CARS2: variants seen among roughly 807,000 people sequenced by gnomAD.
CARS2 encodes the protein probable cysteine--tRNA ligase, mitochondrial.
Under a neutral mutation model 68.8 loss-of-function variants are expected in CARS2, and 52 were observed. The observed-to-expected ratio is 0.76, with a 90% CI of 0.61 to 0.95. The LOEUF is 0.95. Among genes scored for constraint, CARS2 ranks in the 40% least tolerant of loss-of-function variants. CARS2 has a pLI of 0.00. For missense variants in CARS2, 780 were observed against 754.2 expected (o/e 1.03, Z -0.40); for synonymous variants, 314 against 303.6 (o/e 1.03, Z -0.36).
intron 1 of CARS2, chr13:110,712,645 G>C (rs1203244175): frequency 5.1e-6 from 3 of 589,092 alleles, no homozygotes; most frequent in East Asian, 6.6e-5. Flanking sequence ...GCGACGCGGG[G>C]GAGGGCGGTC....
chr13:110,684,550 T>A (rs1316144315), intron 5 of CARS2, among the ~76,000 whole-genome samples: 1 of 150,256 alleles, frequency 6.7e-6, no homozygotes, highest in Non-Finnish European at 1.5e-5. Flanking sequence ...CCCGGCTTTG[T>A]TTGCCCAAGC....
rs374089139 is a variant in CARS2, at chr13:110,701,549, A to G, written c.282T>C (p.Tyr94=). 10 of 1,455,582 alleles carry G rather than the reference A, an allele frequency of 6.9e-6. No individual in the cohort carries two copies. The highest frequency in any genetic ancestry group is 1.7e-5 in the Admixed American group (1 of 59,618). 90.2% of individuals were successfully genotyped at this position (1,455,582 alleles called of 1,614,324 possible). The change falls in exon 3 of 15, where the codon TAT becomes TAC. Residue 94 remains tyrosine (Y), a synonymous_variant. Coordinates refer to ENST00000257347, the MANE Select transcript of CARS2 (RefSeq NM_024537.4). ...TCCTTCGAATGATATCAAATCTAACATATGAGCTGAAAGAAAAAAAGTGTC... is the reference window on the plus strand; with the variant it reads ...TCCTTCGAATGATATCAAATCTAACGTATGAGCTGAAAGAAAAAAAGTGTC... The part of the protein sequence containing the change: ...DHAHLGHACS[Y]VRFDIIRRIL...
chr13:110,698,019 C>G, intron 3 of CARS2: 1 of 453,404 alleles, frequency 2.2e-6, no homozygotes, highest in South Asian at 1.6e-5. Context: ...AAAGTTCAGC[C>G]TCTTTTCAGA....
intron 3 of CARS2, among the ~76,000 whole-genome samples, chr13:110,697,031 C>T (rs2063643083): frequency 6.6e-6 from 1 of 152,238 alleles, no homozygotes; most frequent in South Asian, 2.1e-4. Flanking sequence ...GCCAGTGTCT[C>T]AGCCTCTACC....
intron 8 of CARS2, 62 bp from the exon 9 acceptor site, chr13:110,663,580 C>T: frequency 1.9e-6 from 3 of 1,590,444 alleles, no homozygotes; most frequent in Non-Finnish European, 2.6e-6. Flanking sequence ...GCCTCAGGGA[C>T]ACATGGCTCC....
chr13:110,704,555 C>T (rs2063884727), intron 2 of CARS2, among the ~76,000 whole-genome samples: 1 of 152,086 alleles, frequency 6.6e-6, no homozygotes, highest in South Asian at 2.1e-4. Flanking sequence ...GAAACTCCGT[C>T]TCTACTAAAA....
In CARS2 at chr13:110,692,031, CACACAT is replaced by C. The variant is rs1197724657; in HGVS notation, c.394-4019_394-4014del. 1.6e-3 allele frequency among the ~76,000 whole-genome samples: 115 copies of C among 74,124 alleles called. 1 individual carries two copies. Among genetic ancestry groups the C allele is most frequent in the African/African-American group, 4.3e-3 (112 of 26,000 alleles). The allele number at this position is 74,124 out of a possible 152,430, so 48.6% of individuals were successfully genotyped here. ...ATATATATATATATATATACACACA[CACACAT>C]ATATATATATACACATATACATATA... On this transcript the variant is annotated intron_variant, in intron 3 of 14. Transcript: ENST00000257347.
chr13:110,673,198 C>G (rs1365396087), intron 7 of CARS2, among the ~76,000 whole-genome samples: 1 of 152,196 alleles, frequency 6.6e-6, no homozygotes, highest in East Asian at 1.9e-4. Context: ...ACAAGGGAAT[C>G]CTCCCTCATT....
intron 6 of CARS2, among the ~76,000 whole-genome samples, chr13:110,682,208 T>C (rs2139835858): frequency 6.6e-6 from 1 of 152,346 alleles, no homozygotes; most frequent in Middle Eastern, 3.4e-3. Flanking sequence ...AAAGCAAATC[T>C]ATTAAATAAA....
At chr13:110,650,026 T>C (rs375414274) in intron 10 of CARS2, among the ~76,000 whole-genome samples, 1 of 143,526 alleles carries the variant, frequency 7.0e-6, no homozygotes, top group Non-Finnish European at 1.5e-5. Flanking sequence ...CACCTCCGCC[T>C]CCTGGGTTGA....
At chr13:110,651,186 T>G (rs1242418531) in intron 9 of CARS2, 86 bp from the exon 10 acceptor site, 2 of 893,748 alleles carry the variant, frequency 2.2e-6, no homozygotes, top group Non-Finnish European at 3.5e-6. Flanking sequence ...TACAATTACA[T>G]AAGTTATCTC....
At chr13:110,661,953 T>G (rs560564016) in intron 9 of CARS2, among the ~76,000 whole-genome samples, 2 of 152,282 alleles carry the variant, frequency 1.3e-5, no homozygotes, top group Non-Finnish European at 1.5e-5. Context: ...CAGATCACCA[T>G]AACAGATTTA....
chr13:110,688,040 A>G (rs774982553), intron 3 of CARS2, 22 bp from the exon 4 acceptor site: 2 of 1,559,972 alleles, frequency 1.3e-6, no homozygotes, highest in East Asian at 4.5e-5. Context: ...TTAGATGTGC[A>G]CGTTAATGAG....
In CARS2 at chr13:110,705,555, T is replaced by C. The variant is rs1012132291; in HGVS notation, c.241A>G (p.Thr81Ala). ...CCAAGGTGCGCATGATCATATACAG[T>C]TGGTCCACAGCTATACCTGGAAACA... is the stretch of plus-strand genomic sequence containing the variant. ...EAASWYSCGP[T>A]VYDHAHLGHA... The change falls in exon 2 of 15, where the codon ACT (threonine) becomes GCT (alanine). Residue 81 changes from threonine to alanine, a missense_variant. Transcript: ENST00000257347. The surrounding 1 kb of genome is among the most constrained non-coding windows in gnomAD (Gnocchi z 4.0). 5 of 1,613,180 alleles carry C rather than the reference T, an allele frequency of 3.1e-6. No homozygotes were observed. The highest frequency in any genetic ancestry group is 4.5e-5 in the East Asian group (2 of 44,884).
At chr13:110,642,920 C>T (rs535680329) in intron 13 of CARS2, 9 of 407,834 alleles carry the variant, frequency 2.2e-5, no homozygotes, top group East Asian at 6.0e-5. Context: ...ACGTGTGTTT[C>T]GGCAAATGGT....
chr13:110,709,217 C>G (rs1385293509), upstream of CARS2, among the ~76,000 whole-genome samples: 2 of 151,602 alleles, frequency 1.3e-5, no homozygotes, highest in African/African-American at 4.9e-5. Context: ...CTGCTTGTCT[C>G]CTGAGTAGCT....
rs2063202198 is a variant in CARS2 at position 110,683,045 on chromosome 13, A to G, written c.655+6T>C. The G allele has an allele frequency of 7.5e-6, 12 of 1,596,306 alleles. No individual in the cohort carries two copies. Among genetic ancestry groups the G allele is most frequent in the East Asian group, 2.3e-5 (1 of 43,438 alleles). On this transcript the variant is annotated splice_donor_region_variant and intron_variant, in intron 6 of 14. Transcript: ENST00000257347. The stretch of plus-strand genomic sequence containing the variant: ...GGACCCACAGGGCTGAGCCCGGCCA[A>G]CCCACCTGGCTCTCCGACTGGACCA...
chr13:110,675,358 C>A (rs2139799916), intron 7 of CARS2, among the ~76,000 whole-genome samples: 1 of 152,298 alleles, frequency 6.6e-6, no homozygotes, highest in East Asian at 1.9e-4. Context: ...CATATATACA[C>A]CATGGAATAC....
chr13:110,668,977 A>G lies in CARS2; in HGVS notation c.786-1504T>C, dbSNP rs1040628455. Among the ~76,000 whole-genome samples, 19 of 152,224 alleles carry G rather than the reference A, an allele frequency of 1.2e-4. No individual in the cohort carries two copies. The highest frequency in any genetic ancestry group is 4.6e-4 in the African/African-American group (19 of 41,466). ...AAAATGAATCTACAACCCAGTTTAT[A>G]TGCCATAGTCTGCTATTAAGTATTG... On this transcript the variant is annotated intron_variant, in intron 7 of 14. Transcript: ENST00000257347. This position sits in a 1 kb window ranked among gnomAD's most constrained non-coding sequence, Gnocchi z 4.1.
Sources: gnomAD v4.1 joint callset for allele counts (sites outside exome capture counted in the v4.1 genomes callset) on GRCh38, gnomAD v4.1.1 for gene constraint, Gnocchi (gnomAD v3.1) non-coding constraint, MANE v1.5 for transcripts, NCBI Gene and HGNC (gene_info 2026-07-23, HGNC 2026-07-21) for gene names.